Variants in SPATA16 observed in about 807,000 individuals in gnomAD.
SPATA16 encodes the protein spermatogenesis-associated protein 16.
A neutral mutation model predicts 63.3 loss-of-function variants in SPATA16; 36 were observed. The observed-to-expected ratio is 0.57, with a 90% confidence interval of 0.44 to 0.75. SPATA16 has a LOEUF of 0.75. Among genes scored for constraint, SPATA16 ranks in the 30% least tolerant of loss-of-function variants. SPATA16 has a pLI of 0.00. For synonymous variants in SPATA16, 203 were observed against 216.7 expected, an observed-to-expected ratio of 0.94 and a Z score of 0.56; for missense variants, 646 against 679.3, an observed-to-expected ratio of 0.95 and a Z score of 0.54.
intron 8 of SPATA16, among the ~76,000 whole-genome samples, chr3:172,917,845 T>C (rs1351598734): frequency 1.3e-5 from 2 of 152,222 alleles, no homozygotes; most frequent in Non-Finnish European, 2.9e-5. Context: ...TAGAATGCAC[T>C]TCTTTTTGAA....
chr3:173,023,497 T>A (rs1180056475), intron 3 of SPATA16, among the ~76,000 whole-genome samples: 1 of 152,040 alleles, frequency 6.6e-6, no homozygotes, highest in East Asian at 1.9e-4. Flanking sequence ...ATGGCATATT[T>A]ATTCTTCCTG....
chr3:173,105,794 T>C (rs981702144), intron 2 of SPATA16, among the ~76,000 whole-genome samples: 7 of 102,582 alleles, frequency 6.8e-5, no homozygotes, highest in African/African-American at 2.4e-4. Flanking sequence ...CATCCCTCCC[T>C]CTCTCCCTTC....
chr3:172,965,975 G>T (rs1016455024), intron 5 of SPATA16, among the ~76,000 whole-genome samples: 7 of 152,168 alleles, frequency 4.6e-5, no homozygotes, highest in Admixed American at 6.6e-5. Context: ...ATCACAGAAG[G>T]ATAATTTTAT....
intron 10 of SPATA16, among the ~76,000 whole-genome samples, chr3:172,894,041 A>C (rs78731360): frequency 0.097 from 14,766 of 152,230 alleles, 807 homozygotes; most frequent in African/African-American, 0.14. Flanking sequence ...GTTTATATGA[A>C]TGTAGTGGTA....
chr3:173,057,756 G>A (rs144542441), intron 2 of SPATA16, among the ~76,000 whole-genome samples: 99 of 152,228 alleles, frequency 6.5e-4, no homozygotes, highest in African/African-American at 2.2e-3. Context: ...CGGAGTAAGC[G>A]TTTAGAAACT....
rs868043309 is a variant in SPATA16, at chr3:173,018,244, A to G, written c.848+1242T>C. Among the ~76,000 whole-genome samples the G allele has an allele frequency of 9.1e-4, 138 of 151,594 alleles. 1 individual carries two copies. Among genetic ancestry groups the G allele is most frequent in the African/African-American group, 3.1e-3 (126 of 41,200 alleles). ...CAACTCCTGGGAACATCTTACAAAC[A>G]TGGAATTCATGTAAACCTCACAATG... On this transcript the variant is annotated intron_variant, in intron 4 of 10. Transcript: ENST00000351008.
intron 6 of SPATA16, among the ~76,000 whole-genome samples, chr3:172,947,607 G>T (rs142137447): frequency 1.3e-5 from 2 of 148,684 alleles, no homozygotes; most frequent in East Asian, 3.9e-4. Flanking sequence ...GCCATAAAAA[G>T]GATGAGTTCT....
At chr3:173,042,081 CT>C (rs769756911) in intron 3 of SPATA16, among the ~76,000 whole-genome samples, 1 of 152,108 alleles carries the variant, frequency 6.6e-6, no homozygotes, top group Non-Finnish European at 1.5e-5. Flanking sequence ...ATCTGTAATG[CT>C]TTAAGCGAAT....
rs556792706 is a variant in SPATA16 at position 173,136,517 on chromosome 3, G to A, written c.-19+4586C>T. 1.6e-3 allele frequency among the ~76,000 whole-genome samples: 239 copies of A among 152,134 alleles called. 1 individual carries two copies. Among genetic ancestry groups the A allele is most frequent in the African/African-American group, 5.5e-3 (227 of 41,506 alleles). ...GTGTTACAAACCATCCAATTATACC[G>A]TTTTAGTTATTTTAAAATGTACAGT... On this transcript the variant is annotated intron_variant, in intron 1 of 10. Transcript: ENST00000351008.
At chr3:173,060,471 C>T (rs1736351220) in intron 2 of SPATA16, among the ~76,000 whole-genome samples, 1 of 151,586 alleles carries the variant, frequency 6.6e-6, no homozygotes, top group African/African-American at 2.4e-5. Flanking sequence ...ATGCAATAAG[C>T]AAAGAACCAA....
chr3:172,990,494 T>G (rs1433078619), intron 4 of SPATA16, among the ~76,000 whole-genome samples: 1 of 152,158 alleles, frequency 6.6e-6, no homozygotes, highest in African/African-American at 2.4e-5. Context: ...ATTTACTTGC[T>G]CCTTTGGAAA....
chr3:172,991,639 T>C (rs1243755260), intron 4 of SPATA16, among the ~76,000 whole-genome samples: 1 of 152,186 alleles, frequency 6.6e-6, no homozygotes, highest in Admixed American at 6.5e-5. Flanking sequence ...TTTTCTAGCT[T>C]TTAATTTATA....
At chr3:172,935,262 C>G (rs1363682598) in intron 6 of SPATA16, among the ~76,000 whole-genome samples, 2 of 152,092 alleles carry the variant, frequency 1.3e-5, no homozygotes, top group Non-Finnish European at 2.9e-5. Context: ...GCCAGGAGTT[C>G]AATGATGTAA....
intron 2 of SPATA16, among the ~76,000 whole-genome samples, chr3:173,095,484 A>G (rs907001267): frequency 6.6e-6 from 1 of 152,138 alleles, no homozygotes; most frequent in Non-Finnish European, 1.5e-5. Flanking sequence ...CTATCTATAA[A>G]TTTCCATTTT....
intron 1 of SPATA16, among the ~76,000 whole-genome samples, chr3:173,136,191 G>A (rs1738540893): frequency 6.6e-6 from 1 of 152,160 alleles, no homozygotes; most frequent in Non-Finnish European, 1.5e-5. Context: ...GAAATTATCA[G>A]ACTGTGTGTG....
At chr3:172,934,785 A>G (rs1732942888) in intron 6 of SPATA16, among the ~76,000 whole-genome samples, 1 of 152,182 alleles carries the variant, frequency 6.6e-6, no homozygotes, top group Non-Finnish European at 1.5e-5. Flanking sequence ...ATTTGAGATG[A>G]GATGCTTCTT....
rs11389955 is a variant in SPATA16 at position 173,065,260 on chromosome 3, CT to C, written c.613-16167del. 5.0e-3 allele frequency among the ~76,000 whole-genome samples: 740 copies of C among 146,982 alleles called. 4 individuals carry two copies. The highest frequency in any genetic ancestry group is 0.015 in the African/African-American group (608 of 40,542). On this transcript the variant is annotated intron_variant, in intron 2 of 10. Coordinates refer to ENST00000351008, the MANE Select transcript of SPATA16 (RefSeq NM_031955.6). ...CAGAATCCCCTTCCTTCAAGAAACA[CT>C]TTTTTTTTTTTAAAGAACATCTTGA... is the stretch of plus-strand genomic sequence containing the variant.
At chr3:173,064,654 G>A (rs938603935) in intron 2 of SPATA16, among the ~76,000 whole-genome samples, 1 of 152,164 alleles carries the variant, frequency 6.6e-6, no homozygotes, top group Non-Finnish European at 1.5e-5. Flanking sequence ...AACAGCAGAT[G>A]TATGCTTTTC....
intron 1 of SPATA16, among the ~76,000 whole-genome samples, chr3:173,136,594 T>TATTC (rs1409798380): frequency 2.0e-5 from 3 of 152,220 alleles, no homozygotes; most frequent in African/African-American, 7.2e-5. Flanking sequence ...TACTAGGTCT[T>TATTC]ATTCATTCAT....
Sources: gnomAD v4.1 joint callset for allele counts (sites outside exome capture counted in the v4.1 genomes callset) on GRCh38, gnomAD v4.1.1 for gene constraint, MANE v1.5 for transcripts, NCBI Gene and HGNC (gene_info 2026-07-23, HGNC 2026-07-21) for gene names.